ANXA8: variants seen among roughly 807,000 people sequenced by gnomAD.
ANXA8 encodes the protein annexin A8.
ANXA8 carries 9 observed loss-of-function variants against 26.8 expected under a neutral mutation model. The ratio of observed to expected loss-of-function variants is 0.34; its 90% CI spans 0.20 to 0.59. The LOEUF (loss-of-function observed/expected upper bound fraction) is 0.59. Ranked by LOEUF, ANXA8 falls within the 20% of genes least tolerant of loss-of-function variation. ANXA8 has a pLI of 0.84. For synonymous variants in ANXA8, 39 were observed against 94.8 expected (o/e 0.41, Z 3.42); for missense variants, 83 against 238.5 (o/e 0.35, Z 4.29).
chr10:47,968,860 G>T, the ANXA8 span, among the ~76,000 whole-genome samples: 1 of 145,740 alleles, frequency 6.9e-6, no homozygotes, highest in African/African-American at 2.5e-5. Flanking sequence ...AAAAGTAATT[G>T]TTGGCACATC....
At chr10:47,971,179 G>A in the ANXA8 span, among the ~76,000 whole-genome samples, 1 of 150,852 alleles carries the variant, frequency 6.6e-6, no homozygotes. Flanking sequence ...TCTCAAATAC[G>A]GTCTATGGGC....
At chr10:47,979,485 G>C in the ANXA8 span, among the ~76,000 whole-genome samples, 27 of 151,608 alleles carry the variant, frequency 1.8e-4, 1 homozygote, top group Admixed American at 6.6e-4. Flanking sequence ...TGACAAAAGG[G>C]GCTTTGCAGA....
the ANXA8 span, among the ~76,000 whole-genome samples, chr10:47,988,880 C>T: frequency 6.6e-6 from 1 of 151,718 alleles, no homozygotes; most frequent in African/African-American, 2.4e-5. Flanking sequence ...ATCTACTAGG[C>T]CCTGAATGTT....
At chr10:47,707,301 A>G in the ANXA8 span, among the ~76,000 whole-genome samples, 4 of 143,806 alleles carry the variant, frequency 2.8e-5, no homozygotes, top group African/African-American at 7.3e-5. Context: ...TGTTTTTGGA[A>G]AGGACTTCTG....
At chr10:47,501,042 C>T in the ANXA8 span, among the ~76,000 whole-genome samples, 48 of 144,254 alleles carry the variant, frequency 3.3e-4, no homozygotes, top group South Asian at 5.8e-3. Context: ...TACAGGTGCC[C>T]GCCACCACAC....
At chr10:47,775,411 T>C in the ANXA8 span, among the ~76,000 whole-genome samples, 1 of 150,454 alleles carries the variant, frequency 6.6e-6, no homozygotes, top group Non-Finnish European at 1.5e-5. Context: ...TAATGGCTAG[T>C]ACAGTTAACT....
At chr10:47,589,684 C>T in the ANXA8 span, among the ~76,000 whole-genome samples, 1 of 145,180 alleles carries the variant, frequency 6.9e-6, no homozygotes, top group Non-Finnish European at 1.5e-5. Flanking sequence ...TCTCGCTGCT[C>T]TCTACACCTC....
chr10:47,559,105 A>G, the ANXA8 span, among the ~76,000 whole-genome samples: 2 of 139,326 alleles, frequency 1.4e-5, no homozygotes, highest in Non-Finnish European at 3.1e-5. Context: ...TTTTTTCCCA[A>G]TCCATTAAGT....
the ANXA8 span, among the ~76,000 whole-genome samples, chr10:47,779,281 T>G: frequency 1.1e-5 from 1 of 93,370 alleles, no homozygotes; most frequent in African/African-American, 4.5e-5. Flanking sequence ...ATTCTGAAAT[T>G]TCCAACTGTT....
the ANXA8 span, among the ~76,000 whole-genome samples, chr10:47,561,062 C>T: frequency 6.6e-6 from 1 of 151,508 alleles, no homozygotes; most frequent in African/African-American, 2.4e-5. Context: ...GACTGGAAAG[C>T]CTTTCAATTT....
At chr10:47,747,917 T>C in the ANXA8 span, among the ~76,000 whole-genome samples, 76 of 151,764 alleles carry the variant, frequency 5.0e-4, no homozygotes, top group Non-Finnish European at 9.1e-4. Context: ...TAACTACAAT[T>C]AGATTTAGCA....
At chr10:47,756,224 T>C in the ANXA8 span, 7 of 325,602 alleles carry the variant, frequency 2.1e-5, no homozygotes, top group African/African-American at 2.3e-4. Context: ...CAAACACACC[T>C]AGGGAACGGT....
the ANXA8 span, among the ~76,000 whole-genome samples, chr10:47,631,604 A>G: frequency 6.6e-6 from 1 of 150,506 alleles, no homozygotes; most frequent in Non-Finnish European, 1.5e-5. Flanking sequence ...TTTTAAAACT[A>G]TAGAGGAATA....
chr10:47,681,451 G>T, the ANXA8 span, among the ~76,000 whole-genome samples: 1 of 150,402 alleles, frequency 6.6e-6, no homozygotes, highest in Non-Finnish European at 1.5e-5. Context: ...ACAGGGGTTG[G>T]CAGGCATACC....
the ANXA8 span, among the ~76,000 whole-genome samples, chr10:47,733,151 T>A: frequency 6.8e-3 from 500 of 73,592 alleles, 4 homozygotes; most frequent in African/African-American, 0.019. Context: ...TAATCTTTCT[T>A]TCTTTCTTTC....
chr10:47,497,085 C>T, the ANXA8 span, among the ~76,000 whole-genome samples: 30 of 151,426 alleles, frequency 2.0e-4, no homozygotes, highest in Non-Finnish European at 3.2e-4. Flanking sequence ...CTTTGGGATG[C>T]CGATGTGGGT....
the ANXA8 span, chr10:47,599,945 G>A: frequency 4.7e-5 from 7 of 149,876 alleles, 1 homozygote; most frequent in African/African-American, 1.5e-4. Flanking sequence ...CCCTTGCCTG[G>A]CAGGGGACAC....
At chr10:47,907,158 A>G in the ANXA8 span, among the ~76,000 whole-genome samples, 1 of 151,748 alleles carries the variant, frequency 6.6e-6, no homozygotes, top group African/African-American at 2.4e-5. Context: ...GATCGAGACC[A>G]TCCTGGCTAA....
the ANXA8 span, among the ~76,000 whole-genome samples, chr10:47,669,994 A>T: frequency 6.6e-6 from 1 of 151,666 alleles, no homozygotes; most frequent in Non-Finnish European, 1.5e-5. Context: ...GAAACCCCAT[A>T]CCCATTAAGC....
Sources: gnomAD v4.1 joint callset for allele counts (sites outside exome capture counted in the v4.1 genomes callset) on GRCh38, gnomAD v4.1.1 for gene constraint, MANE v1.5 for transcripts, NCBI Gene and HGNC (gene_info 2026-07-23, HGNC 2026-07-21) for gene names.